Variants in ARID3B observed in about 807,000 individuals in gnomAD.
ARID3B encodes AT-rich interaction domain 3B.
ARID3B carries 10 observed loss-of-function variants against 51.9 expected under a neutral mutation model. The observed-to-expected ratio is 0.19, with a 90% CI of 0.12 to 0.33. ARID3B has a LOEUF of 0.33. Ranked by LOEUF, ARID3B falls within the 10% of genes least tolerant of loss-of-function variation. The probability of loss-of-function intolerance (pLI) is 1.00; values close to 1 mark genes in which losing one functional copy is unlikely to be tolerated. For missense variants in ARID3B, 483 were observed against 716.3 expected (o/e 0.67, Z 3.72); for synonymous variants, 205 against 279.5 (o/e 0.73, Z 2.66).
At chr15:74,576,619 C>T (rs1417451957) in intron 4 of ARID3B, among the ~76,000 whole-genome samples, 2 of 152,026 alleles carry the variant, frequency 1.3e-5, no homozygotes, top group African/African-American at 2.4e-5. Context: ...CAACATTGCG[C>T]CACTGCCCTC....
chr15:74,541,617 A>G (rs2061595526), intron 1 of ARID3B, among the ~76,000 whole-genome samples: 1 of 146,390 alleles, frequency 6.8e-6, no homozygotes, highest in Admixed American at 6.9e-5. Flanking sequence ...CGGAAGAGCC[A>G]GCGGATTGGC....
intron 4 of ARID3B, chr15:74,574,723 G>A (rs1041371852): frequency 1.3e-5 from 2 of 152,208 alleles, no homozygotes; most frequent in African/African-American, 4.8e-5. Context: ...ATAATCCTGA[G>A]GCTGGGCGCG....
chr15:74,583,956 GCAGACTAC>G (rs1020046179), intron 4 of ARID3B, among the ~76,000 whole-genome samples: 19 of 152,204 alleles, frequency 1.2e-4, no homozygotes, highest in South Asian at 2.1e-4. Context: ...AAGCTGCACG[GCAGACTAC>G]CAGACACTGC....
At chr15:74,565,069 G>A (rs1257588368) in intron 2 of ARID3B, among the ~76,000 whole-genome samples, 1 of 150,712 alleles carries the variant, frequency 6.6e-6, no homozygotes, top group Non-Finnish European at 1.5e-5. Context: ...TTTTGAAATA[G>A]GGTCTTGCCC....
At chr15:74,574,044 A>G (rs2061728621) in intron 4 of ARID3B, 1 of 152,250 alleles carries the variant, frequency 6.6e-6, no homozygotes, top group Admixed American at 6.5e-5. Flanking sequence ...CACCGCGCCC[A>G]GCCGGCATCT....
chr15:74,594,104 C>T (rs2061814205), intron 8 of ARID3B, among the ~76,000 whole-genome samples: 1 of 151,996 alleles, frequency 6.6e-6, no homozygotes, highest in Non-Finnish European at 1.5e-5. Context: ...TTCCCATTCC[C>T]ATTTCATTGG....
At chr15:74,586,223 C>T (rs567143091) in intron 4 of ARID3B, among the ~76,000 whole-genome samples, 30 of 152,338 alleles carry the variant, frequency 2.0e-4, no homozygotes, top group Admixed American at 1.6e-3. Flanking sequence ...CCTGCGGTTT[C>T]TCTGTAGTGT....
At chr15:74,541,530 C>T in intron 1 of ARID3B, among the ~76,000 whole-genome samples, 200 bp downstream of exon 1, 1 of 152,258 alleles carries the variant, frequency 6.6e-6, no homozygotes, top group African/African-American at 2.4e-5. Context: ...TGAGATAAAG[C>T]GTTTGAGATA....
At chr15:74,585,422 CA>C (rs2141475721) in intron 4 of ARID3B, among the ~76,000 whole-genome samples, 1 of 152,338 alleles carries the variant, frequency 6.6e-6, no homozygotes, top group South Asian at 2.1e-4. Context: ...GGCCTTAAGC[CA>C]GGGGCCCTTC....
chr15:74,562,764 T>C (rs1241075016), intron 2 of ARID3B, among the ~76,000 whole-genome samples: 1 of 152,264 alleles, frequency 6.6e-6, no homozygotes, highest in Non-Finnish European at 1.5e-5. Context: ...TACTATTTTA[T>C]ATTTCCAGTA....
intron 2 of ARID3B, among the ~76,000 whole-genome samples, chr15:74,546,173 C>T (rs1250697762): frequency 6.6e-6 from 1 of 152,254 alleles, no homozygotes; most frequent in African/African-American, 2.4e-5. Context: ...TCCACGACAG[C>T]AGCACCCTGG....
chr15:74,553,461 G>A (rs942745863), intron 2 of ARID3B, among the ~76,000 whole-genome samples: 25 of 152,214 alleles, frequency 1.6e-4, no homozygotes, highest in African/African-American at 5.1e-4. Flanking sequence ...GTTCTGATGT[G>A]TAGTGGTTTC....
chr15:74,547,622 G>A (rs550729294), intron 2 of ARID3B, among the ~76,000 whole-genome samples: 3 of 152,304 alleles, frequency 2.0e-5, no homozygotes, highest in African/African-American at 4.8e-5. Flanking sequence ...CAGGTCTAGC[G>A]GTGGCAGTGT....
intron 2 of ARID3B, among the ~76,000 whole-genome samples, chr15:74,558,320 A>G (rs2061667181): frequency 6.7e-6 from 1 of 149,650 alleles, no homozygotes; most frequent in South Asian, 2.1e-4. Flanking sequence ...ATTCTGGATT[A>G]TTTTCACATT....
At chr15:74,595,455 C>A (rs1172514116) in intron 8 of ARID3B, among the ~76,000 whole-genome samples, 156 bp from the exon 9 acceptor site, 1 of 152,328 alleles carries the variant, frequency 6.6e-6, no homozygotes. Flanking sequence ...CACTTCAAGG[C>A]AGGACAGCAT....
intron 4 of ARID3B, among the ~76,000 whole-genome samples, chr15:74,588,384 G>T (rs915223681): frequency 6.6e-6 from 1 of 152,114 alleles, no homozygotes; most frequent in Non-Finnish European, 1.5e-5. Flanking sequence ...GAAAACTGCT[G>T]TGCCTTTAGG....
chr15:74,569,773 G>A (rs1207844200), intron 2 of ARID3B, among the ~76,000 whole-genome samples: 34 of 152,296 alleles, frequency 2.2e-4, no homozygotes, highest in African/African-American at 1.4e-4. Flanking sequence ...GCTAGACTGC[G>A]AAAGGCAGGC....
intron 4 of ARID3B, among the ~76,000 whole-genome samples, chr15:74,582,622 C>T (rs1389802557): frequency 6.6e-6 from 1 of 152,206 alleles, no homozygotes. Context: ...CCATGCATTA[C>T]AGCTGGGAGT....
Position 74,544,106 on chromosome 15 carries a change from C to G in ARID3B, c.170C>G (p.Ala57Gly), listed in dbSNP as rs1212103861. The change falls in exon 2 of 9, where the codon GCT (alanine) becomes GGT (glycine). Residue 57 changes from alanine (A) to glycine (G), a missense_variant. Physicochemically the swap from Ala to Gly is moderately conservative, Grantham distance 60. Coordinates refer to ENST00000346246, the MANE Select transcript of ARID3B (RefSeq NM_006465.4). ...CAGCCGACTCTCCTTTCCGCCACAG[C>G]TGGGAGACCTTCTGGCAGCACTCCC... is the stretch of plus-strand genomic sequence containing the variant. ...VTQPTLLSAT[A>G]GRPSGSTPLG... 1.9e-6 allele frequency: 3 copies of G among 1,613,976 alleles called. No individual in the cohort carries two copies. In the South Asian group the frequency reaches 3.3e-5, roughly 18 times the overall value.
Sources: allele counts gnomAD v4.1 joint callset (sites outside exome capture counted in the v4.1 genomes callset), GRCh38; gene constraint gnomAD v4.1.1; transcripts MANE v1.5; gene names NCBI Gene and HGNC (gene_info 2026-07-23, HGNC 2026-07-21).